The following CCDC40 variants were observed in gnomAD, a reference collection of about 807,000 sequenced individuals.
CCDC40 encodes coiled-coil domain-containing protein 40.
In CCDC40, 104 loss-of-function variants were observed where a neutral mutation model predicts 124.5. The observed-to-expected ratio is 0.84, with a 90% CI of 0.71 to 0.98. The LOEUF is 0.98. CCDC40 is among the 50% of genes least tolerant of loss of function. The probability of loss-of-function intolerance (pLI) is 0.00; values close to 1 mark genes in which losing one functional copy is unlikely to be tolerated. For synonymous variants in CCDC40, 580 were observed against 602.9 expected, an observed-to-expected ratio of 0.96 and a Z score of 0.56; for missense variants, 1,463 against 1,503.9, an observed-to-expected ratio of 0.97 and a Z score of 0.45.
At chr17:80,099,335 C>T (rs1258141947) in intron 19 of CCDC40, among the ~76,000 whole-genome samples, 192 bp from the exon 20 acceptor site, 1 of 151,844 alleles carries the variant, frequency 6.6e-6, no homozygotes, top group African/African-American at 2.4e-5. Context: ...ATGGGTGACC[C>T]ATAAAGCACC....
At chr17:80,063,490 G>A (rs1358401228) in intron 9 of CCDC40, among the ~76,000 whole-genome samples, 1 of 152,130 alleles carries the variant, frequency 6.6e-6, no homozygotes, top group African/African-American at 2.4e-5. Flanking sequence ...GGGGCACCAT[G>A]GGGAGGCCTC....
intron 10 of CCDC40, among the ~76,000 whole-genome samples, chr17:80,077,858 T>C (rs1171278778): frequency 6.6e-6 from 1 of 152,218 alleles, no homozygotes; most frequent in African/African-American, 2.4e-5. Context: ...TCATATCTTC[T>C]GGAGACATCT....
Position 80,050,136 on chromosome 17 carries a change from C to G in CCDC40, c.1012C>G (p.Leu338Val). Residue 338 changes from leucine to valine, a missense_variant, in exon 7 of 20, where the codon CTG becomes GTG. By Grantham distance (32) the Leu-to-Val change is conservative. Transcript: ENST00000397545. ...GVNLYEVQQHLVHLQKLLEKS... is the reference protein window; with the variant it reads ...GVNLYEVQQHVVHLQKLLEKS... ...GAATCTCTATGAGGTGCAGCAGCAC[C>G]TGGTACACCTGCAGAAGCTGCTGGA... 1.2e-6 allele frequency: 2 copies of G among 1,613,812 alleles called. No homozygotes were observed. The highest frequency in any genetic ancestry group is 1.7e-4 in the Middle Eastern group (1 of 6,056).
Position 80,081,805 on chromosome 17 carries a change from C to A in CCDC40, c.1806+16C>A. 1 of 1,613,928 alleles carries A rather than the reference C, an allele frequency of 6.2e-7. No homozygotes were observed. The highest frequency in any genetic ancestry group is 1.1e-5 in the South Asian group (1 of 91,072). On this transcript the variant is annotated intron_variant, in intron 11 of 19. Coordinates refer to ENST00000397545, the MANE Select transcript of CCDC40 (RefSeq NM_017950.4). Reference sequence around the variant, plus strand: ...GGACCAGCTGGTGAGGCCGGGCCCGCCCCACAGGTCACACCTGGCGCACGG... The same window carrying A: ...GGACCAGCTGGTGAGGCCGGGCCCGACCCACAGGTCACACCTGGCGCACGG...
intron 9 of CCDC40, among the ~76,000 whole-genome samples, chr17:80,062,962 G>A (rs2037942983): frequency 6.6e-6 from 1 of 152,116 alleles, no homozygotes; most frequent in Non-Finnish European, 1.5e-5. Flanking sequence ...GTGAGACCGA[G>A]GTCGGCAGAT....
At chr17:80,041,726 G>A (rs2037287516) in intron 3 of CCDC40, among the ~76,000 whole-genome samples, 1 of 152,112 alleles carries the variant, frequency 6.6e-6, no homozygotes, top group African/African-American at 2.4e-5. Flanking sequence ...GTCTTGTAGA[G>A]CGCCCCTCAG....
chr17:80,069,505 G>T (rs962825695), intron 10 of CCDC40, among the ~76,000 whole-genome samples: 1 of 152,018 alleles, frequency 6.6e-6, no homozygotes, highest in African/African-American at 2.4e-5. Context: ...CAGCTCTTTG[G>T]GAGGCCGAGG....
At position 80,095,280 on chromosome 17, in the gene CCDC40, G is replaced by C; in HGVS notation, c.2850G>C (p.Leu950=). The change falls in exon 18 of 20, where the codon CTG becomes CTC. Residue 950 remains leucine, a synonymous_variant. Coordinates refer to ENST00000397545, the MANE Select transcript of CCDC40 (RefSeq NM_017950.4). ...IHRMKVRLGQ[L]LKQQEKMIRA... ...TCTCCCAGGTCAGGCTCGGGCAGCT[G>C]CTGAAGCAGCAGGAGAAGATGATCC... The C allele has an allele frequency of 6.2e-7, 1 of 1,613,928 alleles. No individual in the cohort carries two copies.
rs148281386 is a variant in CCDC40 at position 80,038,499 on chromosome 17, C to G, written c.93+313C>G. On this transcript the variant is annotated intron_variant, in intron 2 of 19. Coordinates refer to ENST00000397545, the MANE Select transcript of CCDC40 (RefSeq NM_017950.4). ...TGAGCCAAGATCACACCATTGCACT[C>G]CAGCCTGGGTGACCAGTGAAACTCT... Among the ~76,000 whole-genome samples the G allele has an allele frequency of 6.2e-3, 938 of 150,902 alleles. 8 individuals are homozygous for G. The highest frequency in any genetic ancestry group is 8.9e-3 in the Non-Finnish European group (605 of 67,834).
At chr17:80,049,663 C>T (rs1442260067) in intron 5 of CCDC40, among the ~76,000 whole-genome samples, 1 of 151,938 alleles carries the variant, frequency 6.6e-6, no homozygotes, top group Non-Finnish European at 1.5e-5. Context: ...ACCCTCTGGC[C>T]CCAGCTCACC....
intron 10 of CCDC40, among the ~76,000 whole-genome samples, chr17:80,072,872 T>A (rs1280310437): frequency 6.6e-6 from 1 of 152,238 alleles, no homozygotes; most frequent in East Asian, 1.9e-4. Context: ...AGAAAGCTGC[T>A]GTGGCTGTCC....
At chr17:80,048,805 C>G (rs555924402) in intron 5 of CCDC40, 44 bp downstream of exon 5, 1 of 1,528,596 alleles carries the variant, frequency 6.5e-7, no homozygotes, top group Non-Finnish European at 8.9e-7. Context: ...ACATGGATGG[C>G]GAATGACTCA....
At chr17:80,095,115 G>T (rs1279578839) in intron 17 of CCDC40, 148 bp from the exon 18 acceptor site, 2 of 736,712 alleles carry the variant, frequency 2.7e-6, no homozygotes, top group Admixed American at 4.1e-5. Flanking sequence ...CATGTCCCTT[G>T]TTCCTCCTGG....
intron 18 of CCDC40, among the ~76,000 whole-genome samples, chr17:80,095,760 G>T (rs965659055): frequency 5.3e-5 from 8 of 152,232 alleles, no homozygotes; most frequent in African/African-American, 1.4e-4. Context: ...CAGAATGCCC[G>T]CACCGGACAG....
At chr17:80,067,588 T>A (rs772212785) in intron 10 of CCDC40, 69 of 1,536,090 alleles carry the variant, frequency 4.5e-5, no homozygotes, top group Non-Finnish European at 5.8e-5. Flanking sequence ...GCTGGGATAC[T>A]TCTACGGGGA....
At position 80,040,268 on chromosome 17, in the gene CCDC40, T is replaced by C. The variant is rs755069671; in HGVS notation, c.550T>C (p.Leu184=). 11 of 1,612,788 alleles carry C rather than the reference T, an allele frequency of 6.8e-6. No homozygotes were observed. The highest frequency in any genetic ancestry group is 2.2e-5 in the South Asian group (2 of 90,926). The part of the protein sequence containing the change: ...QVTSGPAVGR[L]TGSTEEPQGQ... ...CACCTCTGGGCCAGCAGTGGGCAGA[T>C]TGGTGAGTAGCCCTGACTTCTGTTT... Residue 184 remains leucine, a splice_region_variant and synonymous_variant, in exon 3 of 20, where the codon TTG becomes CTG. Coordinates refer to ENST00000397545, the MANE Select transcript of CCDC40 (RefSeq NM_017950.4).
chr17:80,057,059 T>C (rs1346666211), intron 7 of CCDC40, among the ~76,000 whole-genome samples: 3 of 146,404 alleles, frequency 2.0e-5, no homozygotes, highest in Non-Finnish European at 4.5e-5. Flanking sequence ...AAAAGAAGAA[T>C]AGCAAGTCCT....
In CCDC40 at chr17:80,048,744, G is replaced by A. The variant is rs2037497312; in HGVS notation, c.838G>A (p.Val280Ile). 13 of 1,611,940 alleles carry A rather than the reference G, an allele frequency of 8.1e-6. No homozygotes were observed. The highest frequency in any genetic ancestry group is 1.1e-5 in the South Asian group (1 of 90,728). ...AGAAGACGAAGGGTCCCAGCTGGTG[G>A]TTTTGGACCCAGACCACGTAAGGAA... is the stretch of plus-strand genomic sequence containing the variant. ...EAEDEGSQLVVLDPDHPLMVR... is the reference protein window; with the variant it reads ...EAEDEGSQLVILDPDHPLMVR... The change falls in exon 5 of 20, where the codon GTT becomes ATT. Residue 280 changes from valine to isoleucine, a missense_variant. Val to Ile is a conservative substitution (Grantham distance 29). Coordinates refer to ENST00000397545, the MANE Select transcript of CCDC40 (RefSeq NM_017950.4).
In CCDC40 at chr17:80,097,365, G is replaced by A. The variant is rs997113449; in HGVS notation, c.3142G>A (p.Glu1048Lys). Residue 1048 changes from glutamate to lysine, a missense_variant, in exon 19 of 20, where the codon GAG becomes AAG. Transcript: ENST00000397545. ...SVIQADFDTLEADLTRLGALK... is the reference protein window; with the variant it reads ...SVIQADFDTLKADLTRLGALK... The stretch of plus-strand genomic sequence containing the variant: ...GATTCAGGCAGACTTCGACACACTC[G>A]AGGCCGACCTCACCCGGCTTGGGGC... The A allele has an allele frequency of 1.1e-5, 17 of 1,614,002 alleles. No homozygotes were observed. Among genetic ancestry groups the A allele is most frequent in the East Asian group, 2.2e-5 (1 of 44,878 alleles).
Sources: allele counts gnomAD v4.1 joint callset (sites outside exome capture counted in the v4.1 genomes callset), GRCh38; gene constraint gnomAD v4.1.1; transcripts MANE v1.5; gene names NCBI Gene and HGNC (gene_info 2026-07-23, HGNC 2026-07-21).